Variants in AGBL1 observed in about 807,000 individuals in gnomAD.
AGBL1 encodes the protein cytosolic carboxypeptidase 4.
Under a neutral mutation model 118.9 loss-of-function variants are expected in AGBL1, and 130 were observed. The ratio of observed to expected loss-of-function variants is 1.09; its 90% CI spans 0.95 to 1.26. AGBL1 has a LOEUF of 1.26. AGBL1 is among the 50% of genes most tolerant of loss of function. AGBL1 has a pLI of 0.00. For synonymous variants in AGBL1, 555 were observed against 478.9 expected, an observed-to-expected ratio of 1.16 and a Z score of -2.08; for missense variants, 1,584 against 1,298.1, an observed-to-expected ratio of 1.22 and a Z score of -3.38.
At chr15:86,649,432 G>A (rs558155884) in intron 21 of AGBL1, among the ~76,000 whole-genome samples, 295 of 152,288 alleles carry the variant, frequency 1.9e-3, no homozygotes, top group Middle Eastern at 3.4e-3. Flanking sequence ...AACATACTGT[G>A]ATGACTTGGT....
chr15:86,848,058 A>C (rs1441244915), intron 22 of AGBL1, among the ~76,000 whole-genome samples: 1 of 152,094 alleles, frequency 6.6e-6, no homozygotes, highest in African/African-American at 2.4e-5. Flanking sequence ...GCTATAAATC[A>C]GGTCAATCCT....
chr15:86,209,292 G>T (rs1410388177), intron 5 of AGBL1, among the ~76,000 whole-genome samples: 1 of 152,158 alleles, frequency 6.6e-6, no homozygotes, highest in African/African-American at 2.4e-5. Context: ...TGTATATTTT[G>T]TTGACTTGGG....
chr15:86,715,915 C>T (rs2086630865), intron 22 of AGBL1, among the ~76,000 whole-genome samples: 1 of 151,796 alleles, frequency 6.6e-6, no homozygotes, highest in East Asian at 1.9e-4. Context: ...AAAAATTAGT[C>T]AGGCGTGGTG....
At chr15:87,028,638 A>G (rs1424826225) in intron 24 of AGBL1, among the ~76,000 whole-genome samples, 1 of 151,956 alleles carries the variant, frequency 6.6e-6, no homozygotes, top group African/African-American at 2.4e-5. Flanking sequence ...ACATTCTCAC[A>G]TTCTGGTTGA....
chr15:87,004,069 T>C (rs2081470689), intron 24 of AGBL1, among the ~76,000 whole-genome samples: 1 of 152,232 alleles, frequency 6.6e-6, no homozygotes, highest in African/African-American at 2.4e-5. Flanking sequence ...GGGTATCAAT[T>C]TTAGATCTTT....
At chr15:86,093,228 G>C (rs931885872) in intron 1 of AGBL1, among the ~76,000 whole-genome samples, 6 of 152,128 alleles carry the variant, frequency 3.9e-5, no homozygotes, top group African/African-American at 1.2e-4. Context: ...ACTCTTCTGG[G>C]TGACCCAGAA....
At chr15:86,291,372 A>G (rs1299264177) in intron 16 of AGBL1, among the ~76,000 whole-genome samples, 3 of 151,728 alleles carry the variant, frequency 2.0e-5, no homozygotes, top group Non-Finnish European at 2.9e-5. Flanking sequence ...ATGCACACAC[A>G]CAGAGACACA....
At chr15:86,851,908 C>G (rs533420024) in intron 22 of AGBL1, among the ~76,000 whole-genome samples, 1 of 152,254 alleles carries the variant, frequency 6.6e-6, no homozygotes, top group African/African-American at 2.4e-5. Flanking sequence ...AATGGTTTTC[C>G]TGCAGCAGTG....
intron 23 of AGBL1, among the ~76,000 whole-genome samples, chr15:86,983,714 C>G (rs761720430): frequency 1.3e-5 from 2 of 152,184 alleles, no homozygotes; most frequent in African/African-American, 2.4e-5. Flanking sequence ...TAATCTCCAG[C>G]CTCAAACAAC....
intron 9 of AGBL1, among the ~76,000 whole-genome samples, chr15:86,259,674 T>A (rs1292547276): frequency 2.0e-5 from 3 of 152,252 alleles, no homozygotes; most frequent in African/African-American, 7.2e-5. Context: ...ATTTCTGAAG[T>A]CATCCGTAGC....
chr15:86,477,019 T>A (rs1038373753), intron 18 of AGBL1, among the ~76,000 whole-genome samples: 17 of 152,184 alleles, frequency 1.1e-4, no homozygotes, highest in African/African-American at 4.1e-4. Context: ...AAAAAAGATG[T>A]TCTTTGAAAC....
intron 23 of AGBL1, among the ~76,000 whole-genome samples, chr15:86,979,513 G>A: frequency 6.6e-6 from 1 of 151,550 alleles, no homozygotes; most frequent in East Asian, 1.9e-4. Flanking sequence ...GGGGGAGATG[G>A]TGTCTCCCTC....
chr15:86,986,498 T>C (rs1487322540), intron 23 of AGBL1, among the ~76,000 whole-genome samples: 1 of 152,154 alleles, frequency 6.6e-6, no homozygotes, highest in African/African-American at 2.4e-5. Flanking sequence ...CCTTTTCATA[T>C]AATATACATC....
At position 86,875,845 on chromosome 15, in the gene AGBL1, AG is replaced by A. The variant is rs1379588303; in HGVS notation, c.3159-31238del. Among the ~76,000 whole-genome samples the A allele has an allele frequency of 2.0e-5, 3 of 152,296 alleles. No individual in the cohort carries two copies. In the East Asian group the frequency reaches 5.8e-4, roughly 29 times the overall value. The stretch of plus-strand genomic sequence containing the variant: ...GATAGAGATCAATGAAAGCTAGACT[AG>A]GGGTCTAAGGCTGAGATACCACCTC... On this transcript the variant is annotated intron_variant, in intron 22 of 22. Coordinates refer to ENST00000614907, the MANE Select transcript of AGBL1 (RefSeq NM_001386094.1).
intron 22 of AGBL1, among the ~76,000 whole-genome samples, chr15:86,787,594 C>CT (rs2078431826): frequency 6.6e-6 from 1 of 152,192 alleles, no homozygotes; most frequent in African/African-American, 2.4e-5. Flanking sequence ...TCAGGATCTT[C>CT]TTTTTTAATG....
At chr15:86,541,460 C>G (rs898067426) in intron 19 of AGBL1, among the ~76,000 whole-genome samples, 1 of 151,958 alleles carries the variant, frequency 6.6e-6, no homozygotes. Flanking sequence ...CGTATGGTGT[C>G]GCTTGCCTGT....
chr15:86,800,339 G>GTTTTGTATTTGTGT (rs918716426), intron 22 of AGBL1, among the ~76,000 whole-genome samples: 10 of 152,180 alleles, frequency 6.6e-5, no homozygotes, highest in African/African-American at 2.2e-4. Flanking sequence ...TATTAGGATA[G>GTTTTGTATTTGTGT]TTTTGTATTT....
chr15:86,206,216 T>C (rs1432318338), intron 5 of AGBL1, among the ~76,000 whole-genome samples: 1 of 152,246 alleles, frequency 6.6e-6, no homozygotes, highest in Non-Finnish European at 1.5e-5. Flanking sequence ...TCTATCATCA[T>C]TGGACATTTG....
chr15:86,817,388 A>G (rs950545326), intron 22 of AGBL1, among the ~76,000 whole-genome samples: 2 of 151,968 alleles, frequency 1.3e-5, no homozygotes, highest in African/African-American at 4.8e-5. Flanking sequence ...ATATGACCAA[A>G]GAAGATGACA....
Sources: allele counts gnomAD v4.1 joint callset (sites outside exome capture counted in the v4.1 genomes callset), GRCh38; gene constraint gnomAD v4.1.1; transcripts MANE v1.5; gene names NCBI Gene and HGNC (gene_info 2026-07-23, HGNC 2026-07-21).